SLC7A14: variants seen among roughly 807,000 people sequenced by gnomAD.
The protein encoded by SLC7A14 is solute carrier family 7 member 14.
SLC7A14 carries 37 observed loss-of-function variants against 60.2 expected under a neutral mutation model. The observed-to-expected ratio is 0.61, with a 90% CI of 0.47 to 0.81. The LOEUF (loss-of-function observed/expected upper bound fraction) is 0.81, where lower values mean the gene tolerates loss of function less well. SLC7A14 is among the 30% of genes least tolerant of loss of function. The probability of loss-of-function intolerance (pLI) is 0.00; values close to 1 mark genes in which losing one functional copy is unlikely to be tolerated. For synonymous variants in SLC7A14, 399 were observed against 395.8 expected (o/e 1.01, Z -0.10); for missense variants, 886 against 982.7 (o/e 0.90, Z 1.32).
intron 2 of SLC7A14, among the ~76,000 whole-genome samples, chr3:170,507,513 G>A (rs533105233): frequency 2.6e-5 from 4 of 152,308 alleles, no homozygotes; most frequent in African/African-American, 9.6e-5. Flanking sequence ...TGGAGGGTAA[G>A]CTGGGCTTTG....
At chr3:170,487,954 T>G (rs573611176) in intron 4 of SLC7A14, among the ~76,000 whole-genome samples, 22 of 152,354 alleles carry the variant, frequency 1.4e-4, no homozygotes, top group Non-Finnish European at 2.5e-4. Context: ...TGCAGAGATC[T>G]TGAAATATCA....
intron 2 of SLC7A14, among the ~76,000 whole-genome samples, chr3:170,505,089 T>A (rs1251607308): frequency 2.0e-5 from 3 of 152,228 alleles, no homozygotes; most frequent in Non-Finnish European, 4.4e-5. Flanking sequence ...ATTTTACATA[T>A]ACACACAAAG....
rs769753389 is a variant in SLC7A14 at position 170,501,378 on chromosome 3, T to G, written c.305-33A>C. ...GGACAGACATACACAGATGGTGGAC[T>G]TCAGGAGATGAGCTGACATCCTGTG... is the stretch of plus-strand genomic sequence containing the variant. On this transcript the variant is annotated intron_variant, in intron 2 of 7. Coordinates refer to ENST00000231706, the MANE Select transcript of SLC7A14 (RefSeq NM_020949.3). 3.2e-6 allele frequency: 5 copies of G among 1,575,770 alleles called. No individual in the cohort carries two copies. In the East Asian group the frequency reaches 1.1e-4, roughly 35 times the overall value.
At chr3:170,488,720 C>A (rs907580534) in intron 4 of SLC7A14, among the ~76,000 whole-genome samples, 2 of 152,282 alleles carry the variant, frequency 1.3e-5, no homozygotes, top group Middle Eastern at 3.4e-3. Context: ...AGACTTAAAT[C>A]TAAGATCTCA....
intron 4 of SLC7A14, among the ~76,000 whole-genome samples, chr3:170,487,681 A>C (rs1474644692): frequency 1.3e-5 from 2 of 152,344 alleles, no homozygotes; most frequent in Admixed American, 1.3e-4. Context: ...AACTTTGCTC[A>C]TCTGTAAAAT....
chr3:170,497,107 A>AAAAG lies in SLC7A14; in HGVS notation c.759+1556_759+1559dup, dbSNP rs1553867120. Among the ~76,000 whole-genome samples, 233 of 142,676 alleles carry AAAAG rather than the reference A, an allele frequency of 1.6e-3. 9 individuals are homozygous for AAAAG. Among genetic ancestry groups the AAAAG allele is most frequent in the African/African-American group, 5.6e-3 (197 of 35,462 alleles). The allele number at this position is 142,676 out of a possible 152,430, so 93.6% of individuals were successfully genotyped here. A position where few individuals can be genotyped will look rare whatever the true frequency, so the allele number is the denominator to read the frequency against. ...TTGTCCAAAAAAAAAAAAAAAAAAAAAAAGAAAGAAAGAAAGAAAAAAGAA... is the reference window on the plus strand; with the variant it reads ...TTGTCCAAAAAAAAAAAAAAAAAAAAAAAGAAAGAAAGAAAGAAAGAAAAAAGAA... On this transcript the variant is annotated intron_variant, in intron 4 of 7. Coordinates refer to ENST00000231706, the MANE Select transcript of SLC7A14 (RefSeq NM_020949.3).
At chr3:170,566,931 C>A (rs983291805) in intron 1 of SLC7A14, among the ~76,000 whole-genome samples, 3 of 152,048 alleles carry the variant, frequency 2.0e-5, no homozygotes, top group African/African-American at 7.2e-5. Context: ...AGATATGATG[C>A]AGTCATTCTA....
chr3:170,505,621 C>T (rs910188364), intron 2 of SLC7A14, among the ~76,000 whole-genome samples: 31 of 152,152 alleles, frequency 2.0e-4, no homozygotes, highest in Non-Finnish European at 3.5e-4. Context: ...CGCGGTGGCT[C>T]ATGCCTGTAA....
At chr3:170,560,938 C>T (rs528819296) in intron 1 of SLC7A14, among the ~76,000 whole-genome samples, 62 of 152,146 alleles carry the variant, frequency 4.1e-4, no homozygotes, top group Non-Finnish European at 7.6e-4. Flanking sequence ...ACCACGAGTA[C>T]TTATAGTAAG....
rs890557198 is a variant in SLC7A14, at chr3:170,480,752, A to G, written c.1530T>C (p.Asn510=). 6.2e-7 allele frequency: 1 copy of G among 1,614,140 alleles called. No homozygotes were observed. The highest frequency in any genetic ancestry group is 8.5e-7 in the Non-Finnish European group (1 of 1,180,030). Residue 510 remains asparagine (N), a synonymous_variant, in exon 7 of 8, where the codon AAT becomes AAC. Transcript: ENST00000231706. ...DKSTYNVNHP[N]YGTVDMTTGI... ...CTGTGGTCATGTCCACGGTGCCGTAATTGGGGTGGTTGACGTTGTAGGTTG... is the reference window on the plus strand; with the variant it reads ...CTGTGGTCATGTCCACGGTGCCGTAGTTGGGGTGGTTGACGTTGTAGGTTG...
chr3:170,512,654 A>ATTTTTTT (rs71176570), intron 2 of SLC7A14, among the ~76,000 whole-genome samples: 995 of 63,174 alleles, frequency 0.016, 216 homozygotes, highest in East Asian at 0.045. Flanking sequence ...TACAATTTGC[A>ATTTTTTT]TTTTTTTTTT....
chr3:170,495,878 G>T, intron 4 of SLC7A14: 2 of 1,327,134 alleles, frequency 1.5e-6, no homozygotes, highest in East Asian at 4.6e-5. Flanking sequence ...ACCTTAGGCG[G>T]CAGCTGGAGG....
At chr3:170,477,047 T>C (rs1711638216) in intron 7 of SLC7A14, among the ~76,000 whole-genome samples, 2 of 152,226 alleles carry the variant, frequency 1.3e-5, no homozygotes, top group African/African-American at 4.8e-5. Flanking sequence ...AAACCAAGCA[T>C]GGGACCCTGT....
rs1299218289 is a variant in SLC7A14 at position 170,528,138 on chromosome 3, T to C, written c.-152-1050A>G. Among the ~76,000 whole-genome samples the C allele has an allele frequency of 2.0e-5, 3 of 152,194 alleles. 1 individual carries two copies. Among genetic ancestry groups the C allele is most frequent in the Non-Finnish European group, 4.4e-5 (3 of 68,036 alleles). ...AGCATTTGACACCGTCATTTGGATATGCCTGGGTATTTACACACTGAAATA... is the reference window on the plus strand; with the variant it reads ...AGCATTTGACACCGTCATTTGGATACGCCTGGGTATTTACACACTGAAATA... On this transcript the variant is annotated intron_variant, in intron 1 of 7. Coordinates refer to ENST00000231706, the MANE Select transcript of SLC7A14 (RefSeq NM_020949.3).
At chr3:170,502,480 AT>A (rs1252745952) in intron 2 of SLC7A14, among the ~76,000 whole-genome samples, 1 of 152,164 alleles carries the variant, frequency 6.6e-6, no homozygotes, top group Non-Finnish European at 1.5e-5. Context: ...TGTGCTAGGA[AT>A]TCTGGGTGTG....
At chr3:170,516,830 TG>T (rs1216236576) in intron 2 of SLC7A14, among the ~76,000 whole-genome samples, 1 of 152,174 alleles carries the variant, frequency 6.6e-6, no homozygotes, top group Non-Finnish European at 1.5e-5. Context: ...ATGGGGGTCA[TG>T]GTCTCTGGAA....
At chr3:170,503,674 A>G (rs1441903056) in intron 2 of SLC7A14, among the ~76,000 whole-genome samples, 1 of 152,258 alleles carries the variant, frequency 6.6e-6, no homozygotes, top group East Asian at 1.9e-4. Context: ...TGAAGCAGGC[A>G]TCGATTTGAT....
At chr3:170,517,165 A>T (rs1331304499) in intron 2 of SLC7A14, among the ~76,000 whole-genome samples, 1 of 152,224 alleles carries the variant, frequency 6.6e-6, no homozygotes, top group Non-Finnish European at 1.5e-5. Context: ...AACTGATAGT[A>T]ATAATAATAT....
intron 7 of SLC7A14, among the ~76,000 whole-genome samples, chr3:170,476,246 G>A (rs967676893): frequency 2.0e-5 from 3 of 152,234 alleles, no homozygotes; most frequent in Admixed American, 2.0e-4. Context: ...ATACTGATGT[G>A]TAGCTAGGGT....
Sources: allele counts gnomAD v4.1 joint callset (sites outside exome capture counted in the v4.1 genomes callset), GRCh38; gene constraint gnomAD v4.1.1; transcripts MANE v1.5; gene names NCBI Gene and HGNC (gene_info 2026-07-23, HGNC 2026-07-21).